PRR16: variants seen among roughly 807,000 people sequenced by gnomAD.
The protein encoded by PRR16 is protein Largen.
A neutral mutation model predicts 18.2 loss-of-function variants in PRR16; 6 were observed. The observed-to-expected ratio is 0.33, with a 90% CI of 0.18 to 0.65. The LOEUF (loss-of-function observed/expected upper bound fraction) is 0.65, where lower values mean the gene tolerates loss of function less well. Among genes scored for constraint, PRR16 ranks in the 30% least tolerant of loss-of-function variants. The probability of loss-of-function intolerance (pLI) is 0.74; values close to 1 mark genes in which losing one functional copy is unlikely to be tolerated. For missense variants in PRR16, 412 were observed against 376.6 expected (o/e 1.09, Z -0.78); for synonymous variants, 151 against 147.8 (o/e 1.02, Z -0.16).
intron 1 of PRR16, among the ~76,000 whole-genome samples, chr5:120,615,698 AG>A (rs900402785): frequency 6.6e-6 from 1 of 152,080 alleles, no homozygotes; most frequent in Non-Finnish European, 1.5e-5. Flanking sequence ...TCTATTCATT[AG>A]ATTATTATTT....
intron 1 of PRR16, among the ~76,000 whole-genome samples, chr5:120,519,529 A>T (rs1258032877): frequency 1.3e-5 from 2 of 152,156 alleles, no homozygotes; most frequent in African/African-American, 4.8e-5. Context: ...TTCAAATATG[A>T]AGCTTTTGAA....
At chr5:120,700,620 C>A in the PRR16 span, among the ~76,000 whole-genome samples, 1 of 151,806 alleles carries the variant, frequency 6.6e-6, no homozygotes, top group Non-Finnish European at 1.5e-5. Context: ...AGAGTATTGT[C>A]CAAGTTGGCA....
intron 1 of PRR16, among the ~76,000 whole-genome samples, chr5:120,483,022 G>A (rs1749672716): frequency 6.6e-6 from 1 of 152,066 alleles, no homozygotes; most frequent in Non-Finnish European, 1.5e-5. Flanking sequence ...GGTAGGTTAG[G>A]GAATGCTGCA....
the PRR16 span, among the ~76,000 whole-genome samples, chr5:120,706,029 G>A: frequency 6.6e-6 from 1 of 152,048 alleles, no homozygotes; most frequent in Admixed American, 6.5e-5. Flanking sequence ...AACAAAGTTC[G>A]GAGACATGTA....
At chr5:120,732,119 C>G in the PRR16 span, among the ~76,000 whole-genome samples, 2 of 152,168 alleles carry the variant, frequency 1.3e-5, no homozygotes, top group Admixed American at 6.5e-5. Flanking sequence ...TTTCTTTAGA[C>G]CAAGAGACAC....
At position 120,548,064 on chromosome 5, in the gene PRR16, G is replaced by T. The variant is rs73786517; in HGVS notation, c.159+83419G>T. ...GCAATGACAGTGCTAAGTCTAAAGA[G>T]ATACTGAGGACAGTAGAAAGTGTTT... is the stretch of plus-strand genomic sequence containing the variant. On this transcript the variant is annotated intron_variant, in intron 1 of 1. Transcript: ENST00000407149. Among the ~76,000 whole-genome samples the T allele has an allele frequency of 9.4e-3, 1,434 of 152,176 alleles. 25 individuals are homozygous for T. Among genetic ancestry groups the T allele is most frequent in the African/African-American group, 0.033 (1,369 of 41,558 alleles).
Position 120,553,672 on chromosome 5 carries a change from A to G in PRR16, c.159+89027A>G, listed in dbSNP as rs1218271001. On this transcript the variant is annotated intron_variant, in intron 1 of 1. Coordinates refer to ENST00000407149, the MANE Select transcript of PRR16 (RefSeq NM_001300783.2). ...TCAAAGCAATATGTAATATGTTACT[A>G]ACACATACAGACATAATAACCGTCT... is the stretch of plus-strand genomic sequence containing the variant. Among the ~76,000 whole-genome samples, 5 of 151,884 alleles carry G rather than the reference A, an allele frequency of 3.3e-5. No individual in the cohort carries two copies. The East Asian group carries it at 9.7e-4, about 29-fold the overall frequency.
At chr5:120,641,281 T>G (rs943078576) in intron 1 of PRR16, among the ~76,000 whole-genome samples, 3 of 152,222 alleles carry the variant, frequency 2.0e-5, no homozygotes, top group African/African-American at 7.2e-5. Flanking sequence ...ACAGTTAAGT[T>G]TTGATACCTG....
intron 1 of PRR16, among the ~76,000 whole-genome samples, chr5:120,581,332 A>T (rs1580749136): frequency 6.6e-6 from 1 of 152,016 alleles, no homozygotes; most frequent in Non-Finnish European, 1.5e-5. Flanking sequence ...ATTTTCTGAT[A>T]GTAGTTTGTA....
chr5:120,559,197 G>A (rs1319171951), intron 1 of PRR16, among the ~76,000 whole-genome samples: 1 of 151,908 alleles, frequency 6.6e-6, no homozygotes, highest in Middle Eastern at 3.4e-3. Context: ...CTATGCTTGT[G>A]GGATATTACT....
At chr5:120,494,016 G>A (rs975913813) in intron 1 of PRR16, among the ~76,000 whole-genome samples, 2 of 152,072 alleles carry the variant, frequency 1.3e-5, no homozygotes, top group African/African-American at 2.4e-5. Flanking sequence ...TTTGTTGTGT[G>A]AATATAAATT....
chr5:120,754,379 CATATATATT>C, the PRR16 span, among the ~76,000 whole-genome samples: 2 of 30,480 alleles, frequency 6.6e-5, no homozygotes, highest in Non-Finnish European at 1.0e-4. Context: ...TAATATATAA[CATATATATT>C]ATATGTTATA....
chr5:120,607,223 A>C (rs1754183130), intron 1 of PRR16, among the ~76,000 whole-genome samples: 1 of 152,178 alleles, frequency 6.6e-6, no homozygotes, highest in Admixed American at 6.5e-5. Flanking sequence ...CAGATGTAGA[A>C]TATATATCTT....
intron 1 of PRR16, among the ~76,000 whole-genome samples, chr5:120,572,263 G>T (rs924131264): frequency 2.0e-5 from 3 of 152,138 alleles, no homozygotes; most frequent in African/African-American, 7.2e-5. Context: ...AACTCTCAAA[G>T]AATTTGTGGC....
chr5:120,599,256 T>C (rs944801174), intron 1 of PRR16, among the ~76,000 whole-genome samples: 1 of 151,900 alleles, frequency 6.6e-6, no homozygotes, highest in African/African-American at 2.4e-5. Context: ...TTCAAAACCA[T>C]TGCATAAGTC....
intron 1 of PRR16, among the ~76,000 whole-genome samples, chr5:120,654,957 T>A (rs946579118): frequency 1.3e-5 from 2 of 151,906 alleles, no homozygotes; most frequent in African/African-American, 4.8e-5. Context: ...ATCAAAAACA[T>A]AATATATAAA....
intron 1 of PRR16, among the ~76,000 whole-genome samples, chr5:120,466,630 A>G (rs1372758392): frequency 6.6e-6 from 1 of 152,232 alleles, no homozygotes; most frequent in African/African-American, 2.4e-5. Flanking sequence ...TTAGAATCAC[A>G]AAAATGTAAG....
intron 1 of PRR16, among the ~76,000 whole-genome samples, chr5:120,651,157 C>A (rs1469228030): frequency 6.6e-6 from 1 of 151,984 alleles, no homozygotes; most frequent in Non-Finnish European, 1.5e-5. Flanking sequence ...TATCCTTCGC[C>A]CACTTTTTGA....
At chr5:120,780,066 G>T in the PRR16 span, among the ~76,000 whole-genome samples, 1 of 152,120 alleles carries the variant, frequency 6.6e-6, no homozygotes, top group Non-Finnish European at 1.5e-5. Flanking sequence ...AGATATTAAT[G>T]TCTATCCTTT....
Sources: allele counts gnomAD v4.1 joint callset (sites outside exome capture counted in the v4.1 genomes callset), GRCh38; gene constraint gnomAD v4.1.1; transcripts MANE v1.5; gene names NCBI Gene and HGNC (gene_info 2026-07-23, HGNC 2026-07-21).